SVOP: variants seen among roughly 807,000 people sequenced by gnomAD.
SVOP encodes SV2 related protein.
A neutral mutation model predicts 69.1 loss-of-function variants in SVOP; 17 were observed. The observed-to-expected ratio is 0.25, with a 90% confidence interval of 0.17 to 0.37. The LOEUF (loss-of-function observed/expected upper bound fraction) is 0.37, where lower values mean the gene tolerates loss of function less well. Among genes scored for constraint, SVOP ranks in the 10% least tolerant of loss-of-function variants. The pLI, the probability that SVOP is intolerant of heterozygous loss-of-function variation, is 1.00. For synonymous variants in SVOP, 238 were observed against 238.6 expected (o/e 1.00, Z 0.02); for missense variants, 435 against 597.5 (o/e 0.73, Z 2.84).
intron 1 of SVOP, among the ~76,000 whole-genome samples, chr12:108,989,147 ACAGCCT>A (rs2040184175): frequency 6.7e-6 from 1 of 149,220 alleles, no homozygotes. Flanking sequence ...ATAGCTCCCT[ACAGCCT>A]CAAACTCCTG....
chr12:108,943,815 C>G (rs2039906757), intron 7 of SVOP, among the ~76,000 whole-genome samples: 3 of 148,960 alleles, frequency 2.0e-5, no homozygotes, highest in Admixed American at 6.6e-5. Context: ...TTCTCCTCCT[C>G]CTCCTGCTCC....
At chr12:108,976,983 C>A (rs1028892324) in intron 4 of SVOP, among the ~76,000 whole-genome samples, 3 of 152,252 alleles carry the variant, frequency 2.0e-5, no homozygotes, top group Non-Finnish European at 4.4e-5. Context: ...GCAGCCTCCT[C>A]CTTCAAGCCT....
At chr12:108,966,862 G>T (rs903869358) in intron 5 of SVOP, among the ~76,000 whole-genome samples, 3 of 152,176 alleles carry the variant, frequency 2.0e-5, no homozygotes, top group African/African-American at 7.2e-5. Context: ...TCAGGGTTAA[G>T]GATGTGGACC....
At position 108,915,837 on chromosome 12, in the gene SVOP, G is replaced by A; in HGVS notation, c.1386C>T (p.Gly462=). The change falls in exon 15 of 16, where the codon GGC becomes GGT. Residue 462 remains glycine, a synonymous_variant. Coordinates refer to ENST00000610966, the MANE Select transcript of SVOP (RefSeq NM_018711.5). The part of the protein sequence containing the change: ...YPTATRALGL[G]TCSGMARVGA... Reference sequence around the variant, plus strand: ...CCACTCTTGCCATGCCGCTGCAGGTGCCCAGGCCGAGGGCCCGCGTTGCCG... The same window carrying A: ...CCACTCTTGCCATGCCGCTGCAGGTACCCAGGCCGAGGGCCCGCGTTGCCG... 6.2e-7 allele frequency: 1 copy of A among 1,608,722 alleles called. No individual in the cohort carries two copies. Among genetic ancestry groups the A allele is most frequent in the Non-Finnish European group, 8.5e-7 (1 of 1,177,778 alleles).
intron 11 of SVOP, among the ~76,000 whole-genome samples, chr12:108,925,684 A>G (rs1377141301): frequency 2.6e-5 from 4 of 151,620 alleles, no homozygotes; most frequent in South Asian, 2.1e-4. Flanking sequence ...TGCTCCACTC[A>G]CTCTACTCCA....
chr12:108,938,053 T>A (rs2039867077), intron 9 of SVOP, among the ~76,000 whole-genome samples: 1 of 152,218 alleles, frequency 6.6e-6, no homozygotes, highest in South Asian at 2.1e-4. Context: ...GCTCTGCCCC[T>A]GTAGATTTGG....
intron 1 of SVOP, among the ~76,000 whole-genome samples, chr12:108,994,899 G>A (rs572497282): frequency 6.6e-6 from 1 of 152,182 alleles, no homozygotes; most frequent in African/African-American, 2.4e-5. Flanking sequence ...CACTTTGGGA[G>A]GCCAAGGTGA....
intron 10 of SVOP, among the ~76,000 whole-genome samples, chr12:108,935,515 G>T (rs544820872): frequency 6.6e-6 from 1 of 152,276 alleles, no homozygotes; most frequent in African/African-American, 2.4e-5. Flanking sequence ...AAAAAATTCT[G>T]CAGGCTCACT....
chr12:108,990,016 T>A (rs965066631), intron 1 of SVOP, among the ~76,000 whole-genome samples: 1 of 152,226 alleles, frequency 6.6e-6, no homozygotes, highest in Admixed American at 6.5e-5. Context: ...CTGCTCAGGT[T>A]ACAGCAGTTG....
At chr12:108,982,385 A>G (rs977150720) in intron 2 of SVOP, among the ~76,000 whole-genome samples, 46,417 of 146,350 alleles carry the variant, frequency 0.32, 7,139 homozygotes, top group African/African-American at 0.42. Context: ...CATCCTTATC[A>G]CCATCTTCAT....
chr12:108,939,087 T>A, intron 8 of SVOP, 132 bp from the exon 9 acceptor site: 1 of 1,269,028 alleles, frequency 7.9e-7, no homozygotes, highest in Non-Finnish European at 1.1e-6. Flanking sequence ...TGACTTCAAA[T>A]CCTGGCCCCA....
In SVOP at chr12:108,909,999, G is replaced by A. The variant is rs149265035; in HGVS notation, c.*2536C>T. 10,821 of 152,408 alleles carry A rather than the reference G, an allele frequency of 0.071. 431 individuals are homozygous for A. The highest frequency in any genetic ancestry group is 0.12 in the African/African-American group (4,805 of 41,508). The allele number at this position is 152,408 out of a possible 1,614,324, so 9.4% of individuals were successfully genotyped here. ...TTTTGAGATGGAGTCTTGCTCTGTC[G>A]CCCAGGCTGGAGTGCAGTGGCGCGA... On this transcript the variant is annotated 3_prime_UTR_variant, in exon 16 of 16. Coordinates refer to ENST00000610966, the MANE Select transcript of SVOP (RefSeq NM_018711.5).
intron 12 of SVOP, 58 bp downstream of exon 12, chr12:108,922,632 A>G (rs2039756220): frequency 7.6e-7 from 1 of 1,312,340 alleles, no homozygotes; most frequent in South Asian, 1.3e-5. Context: ...CACCAGCTGA[A>G]CAATTGCCAT....
intron 11 of SVOP, among the ~76,000 whole-genome samples, chr12:108,925,081 C>T (rs2039772255): frequency 6.6e-6 from 1 of 152,256 alleles, no homozygotes; most frequent in African/African-American, 2.4e-5. Flanking sequence ...CCCTGATCCT[C>T]AAGATATCCC....
intron 6 of SVOP, among the ~76,000 whole-genome samples, chr12:108,956,303 A>C (rs1475619255): frequency 6.7e-6 from 1 of 149,184 alleles, no homozygotes; most frequent in Non-Finnish European, 1.5e-5. Flanking sequence ...TTCCGTCTCA[A>C]AAAAAAAAAA....
chr12:108,996,022 G>A (rs536058923), intron 1 of SVOP, among the ~76,000 whole-genome samples: 4 of 151,234 alleles, frequency 2.6e-5, no homozygotes, highest in East Asian at 3.9e-4. Context: ...ACACACACAC[G>A]CTGATCTGTA....
intron 4 of SVOP, among the ~76,000 whole-genome samples, chr12:108,973,277 T>A (rs1471585555): frequency 6.6e-6 from 1 of 152,164 alleles, no homozygotes; most frequent in African/African-American, 2.4e-5. Flanking sequence ...ACAGATTCAG[T>A]TTGGTCTGAC....
chr12:109,015,797 A>G (rs1485399964), intron 1 of SVOP, among the ~76,000 whole-genome samples: 1 of 152,144 alleles, frequency 6.6e-6, no homozygotes, highest in Non-Finnish European at 1.5e-5. Context: ...TGTCTCAACA[A>G]AACAAAACAA....
chr12:109,004,608 A>T (rs915785971), intron 1 of SVOP, among the ~76,000 whole-genome samples: 2 of 151,762 alleles, frequency 1.3e-5, no homozygotes, highest in African/African-American at 4.8e-5. Flanking sequence ...AGGTCTTGCT[A>T]TGTTGCCCAG....
Sources: allele counts gnomAD v4.1 joint callset (sites outside exome capture counted in the v4.1 genomes callset), GRCh38; gene constraint gnomAD v4.1.1; transcripts MANE v1.5; gene names NCBI Gene and HGNC (gene_info 2026-07-23, HGNC 2026-07-21).